Variants in TFAP2A observed in about 807,000 individuals in gnomAD.
TFAP2A encodes transcription factor AP-2-alpha.
TFAP2A carries 7 observed loss-of-function variants against 41.5 expected under a neutral mutation model. That is an observed-to-expected ratio of 0.17 (90% CI 0.10 to 0.32). The LOEUF is 0.32. Among genes scored for constraint, TFAP2A ranks in the 10% least tolerant of loss-of-function variants. The probability of loss-of-function intolerance (pLI) is 1.00; values close to 1 mark genes in which losing one functional copy is unlikely to be tolerated. For synonymous variants in TFAP2A, 247 were observed against 242.8 expected (o/e 1.02, Z -0.16); for missense variants, 416 against 563.3 (o/e 0.74, Z 2.65).
At chr6:10,404,474 G>GGGGCGGGGC (rs905957886) in intron 4 of TFAP2A, 34 bp downstream of exon 4, 349 of 1,440,352 alleles carry the variant, frequency 2.4e-4, no homozygotes, top group Non-Finnish European at 2.8e-4. Context: ...CCCCGGCCGC[G>GGGGCGGGGC]GGGCGGGGCG....
At chr6:10,411,448 T>TG in intron 1 of TFAP2A, 1 of 1,549,064 alleles carries the variant, frequency 6.5e-7, no homozygotes, top group Non-Finnish European at 8.8e-7. Flanking sequence ...GGGATGCAAA[T>TG]GGAGAGGGTG....
chr6:10,411,763 C>G (rs2763067), intron 1 of TFAP2A: 8 of 1,478,754 alleles, frequency 5.4e-6, no homozygotes, highest in Non-Finnish European at 6.3e-6. Context: ...GGGAGCCCGG[C>G]TCGGATCCAT....
At position 10,398,434 on chromosome 6, in the gene TFAP2A, C is replaced by T. The variant is rs781601001; in HGVS notation, c.1303G>A (p.Glu435Lys). ...DNNAKSSDKE[E>K]KHRK is the part of the protein sequence containing the mutation. ...GGAGAGCCTCACTTTCTGTGCTTCT[C>T]CTCTTTGTCACTGCTTTTGGCGTTG... Residue 435 changes from glutamate (E) to lysine (K), a missense_variant, in exon 7 of 7, where the codon GAG (glutamate) becomes AAG (lysine). By Grantham distance (56) the Glu-to-Lys change is moderately conservative. Coordinates refer to ENST00000379613, the MANE Select transcript of TFAP2A (RefSeq NM_001372066.1). The surrounding 1 kb of genome is among the most constrained non-coding windows in gnomAD (Gnocchi z 5.3). The T allele has an allele frequency of 1.2e-6, 2 of 1,614,134 alleles. No homozygotes were observed. The highest frequency in any genetic ancestry group is 1.1e-5 in the South Asian group (1 of 91,074).
chr6:10,403,444 C>G (rs756097141), intron 4 of TFAP2A, among the ~76,000 whole-genome samples: 5 of 152,076 alleles, frequency 3.3e-5, no homozygotes, highest in African/African-American at 1.2e-4. Context: ...AATGACTGTG[C>G]AGGAGGAAGA....
In TFAP2A at chr6:10,411,451, A is replaced by G. The variant is rs976680856; in HGVS notation, c.52-1116T>C. On this transcript the variant is annotated intron_variant, in intron 1 of 6. Coordinates refer to ENST00000379613, the MANE Select transcript of TFAP2A (RefSeq NM_001372066.1). Reference sequence around the variant, plus strand: ...AAGGTGGGGTGGGGGATGCAAATGGAGAGGGTGTCCTGAAGGAAAGCTGGG... The same window carrying G: ...AAGGTGGGGTGGGGGATGCAAATGGGGAGGGTGTCCTGAAGGAAAGCTGGG... 1.5e-5 allele frequency: 23 copies of G among 1,565,590 alleles called. No homozygotes were observed. The East Asian group carries it at 3.6e-4, about 25-fold the overall frequency.
intron 5 of TFAP2A, 130 bp downstream of exon 5, chr6:10,402,362 C>T (rs750375063): frequency 4.6e-5 from 36 of 786,778 alleles, no homozygotes; most frequent in Non-Finnish European, 8.4e-5. Flanking sequence ...ATTCCATTCA[C>T]ATCTGGCTAT....
Position 10,398,759 on chromosome 6 carries a change from C to A in TFAP2A, c.1032-54G>T. 6.3e-7 allele frequency: 1 copy of A among 1,593,914 alleles called. No homozygotes were observed. On this transcript the variant is annotated intron_variant, in intron 6 of 6. Transcript: ENST00000379613. This position sits in a 1 kb window ranked among gnomAD's most constrained non-coding sequence, Gnocchi z 5.3. ...ACATAAGGCTCCACTATGGGCAGCA[C>A]TAGCAGCAAAGAGAAAACCTCCCTC...
upstream of TFAP2A, chr6:10,416,160 C>G (rs897175774): frequency 2.0e-5 from 3 of 152,198 alleles, no homozygotes; most frequent in Admixed American, 1.3e-4. Flanking sequence ...AATAAATCAC[C>G]GGGAACCGAC....
intron 3 of TFAP2A, chr6:10,405,102 A>G: frequency 3.3e-6 from 1 of 301,712 alleles, no homozygotes; most frequent in Non-Finnish European, 6.3e-6. Context: ...GTCCAGGACC[A>G]CGGGTTCAGG....
chr6:10,399,651 G>A (rs1761929564), intron 6 of TFAP2A, among the ~76,000 whole-genome samples: 1 of 152,204 alleles, frequency 6.6e-6, no homozygotes, highest in Non-Finnish European at 1.5e-5. Context: ...GCCAGAAACA[G>A]GGTCCCACCC....
chr6:10,414,605 G>A (rs939348841), intron 1 of TFAP2A: 1 of 501,144 alleles, frequency 2.0e-6, no homozygotes, highest in South Asian at 2.1e-5. Context: ...AAGATAACAC[G>A]AGGAGTGCAC....
At chr6:10,400,415 GAC>G (rs1055183554) in intron 6 of TFAP2A, 31 bp downstream of exon 6, 2 of 1,613,992 alleles carry the variant, frequency 1.2e-6, no homozygotes, top group Admixed American at 1.7e-5. Context: ...TTGACAACGA[GAC>G]ACAGAGACCC....
chr6:10,398,665 G>T lies in TFAP2A; in HGVS notation c.1072C>A (p.Arg358=). The T allele has an allele frequency of 2.5e-6, 4 of 1,614,132 alleles. No individual in the cohort carries two copies. Among genetic ancestry groups the T allele is most frequent in the Non-Finnish European group, 3.4e-6 (4 of 1,180,000 alleles). Residue 358 remains arginine (R), a synonymous_variant, in exon 7 of 7, where the codon CGA becomes AGA. Coordinates refer to ENST00000379613, the MANE Select transcript of TFAP2A (RefSeq NM_001372066.1). The surrounding 1 kb of genome is among the most constrained non-coding windows in gnomAD (Gnocchi z 5.3). ...KEFTDLLAQD[R]SPLGNSRPNP... ...GGCCGTGAGTTCCCCAGGGGAGATC[G>T]GTCCTGAGCCAGCAGGTCGGTGAAC...
In TFAP2A at chr6:10,398,313, T is replaced by TAGCAGCAGC. The variant is rs1761866292; in HGVS notation, c.*95_*103dup. On this transcript the variant is annotated 3_prime_UTR_variant, in exon 7 of 7. Coordinates refer to ENST00000379613, the MANE Select transcript of TFAP2A (RefSeq NM_001372066.1). The surrounding 1 kb of genome is among the most constrained non-coding windows in gnomAD (Gnocchi z 5.3). ...GCGGCGGCGGCAGCAGCAGCAGCAGTAGCAGCAGCAGGAAGGGTTGCTGAT... is the reference window on the plus strand; with the variant it reads ...GCGGCGGCGGCAGCAGCAGCAGCAGTAGCAGCAGCAGCAGCAGCAGGAAGGGTTGCTGAT... 3.8e-6 allele frequency: 6 copies of TAGCAGCAGC among 1,592,488 alleles called. No homozygotes were observed. Among genetic ancestry groups the TAGCAGCAGC allele is most frequent in the African/African-American group, 1.4e-5 (1 of 71,598 alleles).
intron 1 of TFAP2A, chr6:10,412,115 C>G (rs1757997066): frequency 1.0e-6 from 1 of 994,046 alleles, no homozygotes. Context: ...CAACTCGCGC[C>G]GGAGCCGGCT....
At chr6:10,409,357 T>A (rs1757848921) in intron 2 of TFAP2A, 1 of 154,068 alleles carries the variant, frequency 6.5e-6, no homozygotes, top group Admixed American at 6.4e-5. Flanking sequence ...AATGTCCCTC[T>A]GCTTGGATTT....
In TFAP2A at chr6:10,397,003, A is replaced by G. The variant is rs1415705332; in HGVS notation, c.*1414T>C. On this transcript the variant is annotated 3_prime_UTR_variant, in exon 7 of 7. Coordinates refer to ENST00000379613, the MANE Select transcript of TFAP2A (RefSeq NM_001372066.1). ...AAAAAATACTGCCAAGAACAAAAAT[A>G]CGCCTGGGTAAAGACAGCCACTGAA... The G allele has an allele frequency of 6.6e-6, 1 of 152,598 alleles. No individual in the cohort carries two copies. The highest frequency in any genetic ancestry group is 1.5e-5 in the Non-Finnish European group (1 of 68,042). 9.5% of individuals were successfully genotyped at this position (152,598 alleles called of 1,614,324 possible). A position where few individuals can be genotyped will look rare whatever the true frequency, so the allele number is the denominator to read the frequency against.
chr6:10,415,187 G>C, upstream of TFAP2A: 1 of 1,494,182 alleles, frequency 6.7e-7, no homozygotes, highest in South Asian at 1.3e-5. Flanking sequence ...AGGAGGAGGA[G>C]GAGGGCGAGG....
At chr6:10,416,756 C>T (rs1020343955), upstream of TFAP2A, among the ~76,000 whole-genome samples, 1 of 152,240 alleles carries the variant, frequency 6.6e-6, no homozygotes, top group Admixed American at 6.5e-5. Context: ...CCCCATTCCA[C>T]CCAAGGCTGC....
Sources: allele counts gnomAD v4.1 joint callset (sites outside exome capture counted in the v4.1 genomes callset), GRCh38; gene constraint gnomAD v4.1.1; non-coding constraint Gnocchi (gnomAD v3.1); transcripts MANE v1.5; gene names NCBI Gene and HGNC (gene_info 2026-07-23, HGNC 2026-07-21).